EFR3A: variants seen among roughly 807,000 people sequenced by gnomAD.
EFR3A encodes the protein protein EFR3 homolog A.
Under a neutral mutation model 104.4 loss-of-function variants are expected in EFR3A, and 76 were observed. The ratio of observed to expected loss-of-function variants is 0.73; its 90% CI spans 0.60 to 0.88. The LOEUF (loss-of-function observed/expected upper bound fraction) is 0.88, where lower values mean the gene tolerates loss of function less well. EFR3A is among the 40% of genes least tolerant of loss of function. EFR3A has a pLI of 0.00. For missense variants in EFR3A, 985 were observed against 1,012.5 expected, an observed-to-expected ratio of 0.97 and a Z score of 0.37; for synonymous variants, 330 against 330.0, an observed-to-expected ratio of 1.00 and a Z score of 0.00.
rs762779611 is a variant in EFR3A, at chr8:131,976,126, A to G, written c.1259A>G (p.Asp420Gly). The part of the protein sequence containing the change: ...PVFGTSTHTL[D>G]ISQLGDLGTR... The stretch of plus-strand genomic sequence containing the variant: ...TTTGGAACATCTACCCATACTTTGG[A>G]TATCAGTCAACTAGGGTATGTTCTC... The change falls in exon 11 of 23, where the codon GAT becomes GGT. Residue 420 changes from aspartate to glycine, a missense_variant. By Grantham distance (94) the Asp-to-Gly change is moderately conservative. Coordinates refer to ENST00000254624, the MANE Select transcript of EFR3A (RefSeq NM_015137.6). 4 of 1,586,102 alleles carry G rather than the reference A, an allele frequency of 2.5e-6. No homozygotes were observed. The highest frequency in any genetic ancestry group is 4.5e-5 in the East Asian group (2 of 44,530).
chr8:132,000,139 T>C (rs1338588600), intron 19 of EFR3A, among the ~76,000 whole-genome samples: 1 of 152,122 alleles, frequency 6.6e-6, no homozygotes, highest in Non-Finnish European at 1.5e-5. Context: ...TTTTTTTGTT[T>C]GTTTTTTGAG....
intron 3 of EFR3A, 88 bp downstream of exon 3, chr8:131,944,960 G>A: frequency 1.4e-6 from 2 of 1,399,814 alleles, no homozygotes; most frequent in Non-Finnish European, 1.9e-6. Context: ...TTGCCATTTA[G>A]TGAGACAAAG....
rs1163483389 is a variant in EFR3A, at chr8:131,944,694, A to G, written c.88-51A>G. The G allele has an allele frequency of 2.7e-6, 4 of 1,488,254 alleles. No individual in the cohort carries two copies. In the African/African-American group the frequency reaches 5.7e-5, roughly 21 times the overall value. 92.2% of individuals were successfully genotyped at this position (1,488,254 alleles called of 1,614,324 possible). A position where few individuals can be genotyped will look rare whatever the true frequency, so the allele number is the denominator to read the frequency against. On this transcript the variant is annotated intron_variant, in intron 2 of 22. Transcript: ENST00000254624. ...TGTAAAGCAGGCAACACTTAAAAAT[A>G]TAATAAGCATGAAAATATAGATAAT... is the stretch of plus-strand genomic sequence containing the variant.
intron 14 of EFR3A, among the ~76,000 whole-genome samples, chr8:131,982,737 G>A (rs946938319): frequency 2.0e-5 from 3 of 152,034 alleles, no homozygotes; most frequent in Non-Finnish European, 2.9e-5. Context: ...TGTTAATGAT[G>A]TTTAGAACCA....
chr8:131,984,070 A>T (rs765287477), intron 14 of EFR3A, 69 bp from the exon 15 acceptor site: 104 of 1,385,582 alleles, frequency 7.5e-5, no homozygotes, highest in Admixed American at 1.9e-4. Flanking sequence ...GTAAAAGTAT[A>T]TGCATGTGAA....
intron 4 of EFR3A, 47 bp downstream of exon 4, chr8:131,946,680 C>T (rs1284212157): frequency 2.1e-6 from 3 of 1,435,056 alleles, no homozygotes; most frequent in Non-Finnish European, 2.8e-6. Flanking sequence ...ATTAGCATAT[C>T]TAGAATTAAT....
At chr8:131,960,978 C>T (rs554622310) in intron 8 of EFR3A, among the ~76,000 whole-genome samples, 67 of 152,094 alleles carry the variant, frequency 4.4e-4, no homozygotes, top group South Asian at 8.3e-4. Context: ...TGGCGAACTC[C>T]CAACAGACCT....
intron 10 of EFR3A, among the ~76,000 whole-genome samples, chr8:131,972,670 C>T (rs1820132279): frequency 6.6e-6 from 1 of 152,116 alleles, no homozygotes; most frequent in Non-Finnish European, 1.5e-5. Flanking sequence ...TAACTGGTTG[C>T]TATGATAATT....
chr8:131,950,671 G>C (rs1227473078), intron 5 of EFR3A, among the ~76,000 whole-genome samples: 5 of 152,118 alleles, frequency 3.3e-5, no homozygotes. Context: ...ACTTTGGTTT[G>C]AGGACTGCAG....
intron 11 of EFR3A, 127 bp downstream of exon 11, chr8:131,976,268 T>C (rs1046030047): frequency 4.5e-6 from 3 of 661,134 alleles, no homozygotes; most frequent in Middle Eastern, 4.0e-4. Flanking sequence ...TGGAAAGCAG[T>C]TAGTATTATT....
intron 18 of EFR3A, among the ~76,000 whole-genome samples, chr8:131,994,926 A>T (rs374869222): frequency 3.3e-5 from 5 of 152,190 alleles, no homozygotes; most frequent in Admixed American, 2.6e-4. Context: ...CTGGGATGTG[A>T]CCTGGGTGAG....
In EFR3A at chr8:131,959,377, G is replaced by A. The variant is rs543407324; in HGVS notation, c.777-208G>A. 6.6e-5 allele frequency among the ~76,000 whole-genome samples: 10 copies of A among 152,138 alleles called. No homozygotes were observed. The East Asian group carries it at 1.2e-3, about 18-fold the overall frequency. On this transcript the variant is annotated intron_variant, in intron 7 of 22. Transcript: ENST00000254624. Reference sequence around the variant, plus strand: ...AAATATTTGTTGATTAAATGTTCACGAAACTACTTCTGGTCCACAGCATTG... The same window carrying A: ...AAATATTTGTTGATTAAATGTTCACAAAACTACTTCTGGTCCACAGCATTG...
intron 18 of EFR3A, among the ~76,000 whole-genome samples, chr8:131,995,151 G>C (rs1460288233): frequency 6.6e-6 from 1 of 152,128 alleles, no homozygotes; most frequent in Non-Finnish European, 1.5e-5. Context: ...GTGGAGATCA[G>C]ACTAGAAGCT....
intron 18 of EFR3A, among the ~76,000 whole-genome samples, chr8:131,990,289 A>G (rs1234896867): frequency 6.6e-6 from 1 of 152,350 alleles, no homozygotes; most frequent in Admixed American, 6.5e-5. Context: ...CAATTGTAAT[A>G]TGACTATTCA....
At chr8:132,005,776 C>T (rs1348777956) in intron 22 of EFR3A, among the ~76,000 whole-genome samples, 1 of 152,118 alleles carries the variant, frequency 6.6e-6, no homozygotes, top group Non-Finnish European at 1.5e-5. Flanking sequence ...TTTAAGTGGC[C>T]TTTAGAAAAC....
At chr8:131,934,214 A>G (rs1817759384) in intron 1 of EFR3A, among the ~76,000 whole-genome samples, 2 of 152,188 alleles carry the variant, frequency 1.3e-5, no homozygotes, top group South Asian at 4.1e-4. Context: ...GCTCTGGGAC[A>G]CTAGAATATG....
At chr8:131,957,442 C>T (rs148757845) in intron 7 of EFR3A, among the ~76,000 whole-genome samples, 3,702 of 151,706 alleles carry the variant, frequency 0.024, 66 homozygotes, top group South Asian at 0.037. Flanking sequence ...CCTCTGCCTC[C>T]TGGGTTCCAG....
At position 131,942,324 on chromosome 8, in the gene EFR3A, C is replaced by T. The variant is rs537701753; in HGVS notation, c.87+1749C>T. Among the ~76,000 whole-genome samples, 280 of 152,176 alleles carry T rather than the reference C, an allele frequency of 1.8e-3. 2 individuals carry two copies. The highest frequency in any genetic ancestry group is 6.5e-3 in the African/African-American group (271 of 41,542). ...AATTTGCCATGTTTCTTATTTTTAA[C>T]TTGTTAAAACAAACAAATCTTGTGA... On this transcript the variant is annotated intron_variant, in intron 2 of 22. Transcript: ENST00000254624.
intron 5 of EFR3A, among the ~76,000 whole-genome samples, chr8:131,950,661 A>G (rs772202281): frequency 8.6e-5 from 13 of 152,010 alleles, no homozygotes; most frequent in African/African-American, 1.4e-4. Context: ...GAGCGTGAGG[A>G]CTTTGGTTTG....
Sources: gnomAD v4.1 joint callset for allele counts (sites outside exome capture counted in the v4.1 genomes callset) on GRCh38, gnomAD v4.1.1 for gene constraint, MANE v1.5 for transcripts, NCBI Gene and HGNC (gene_info 2026-07-23, HGNC 2026-07-21) for gene names.